VPS72: variants seen among roughly 807,000 people sequenced by gnomAD.
VPS72 encodes the protein vacuolar protein sorting 72 homolog.
Under a neutral mutation model 38.9 loss-of-function variants are expected in VPS72, and 27 were observed. The observed-to-expected ratio is 0.69, with a 90% CI of 0.51 to 0.96. VPS72 has a LOEUF of 0.96. Ranked by LOEUF, VPS72 falls within the 40% of genes least tolerant of loss-of-function variation. The probability of loss-of-function intolerance (pLI) is 0.00; values close to 1 mark genes in which losing one functional copy is unlikely to be tolerated. For missense variants in VPS72, 360 were observed against 479.5 expected (o/e 0.75, Z 2.33); for synonymous variants, 173 against 186.3 (o/e 0.93, Z 0.58).
chr1:151,185,677 G>C (rs1684333277), intron 2 of VPS72, 57 bp from the exon 3 acceptor site: 1 of 1,608,636 alleles, frequency 6.2e-7, no homozygotes, highest in African/African-American at 1.3e-5. Context: ...AGAAATATGA[G>C]GATCTCAATG....
In VPS72 at chr1:151,178,029, G is replaced by T; in HGVS notation, c.679C>A (p.Pro227Thr). ...VTVPLVGEPGPKEENVDIEGL... is the reference protein window; with the variant it reads ...VTVPLVGEPGTKEENVDIEGL... The stretch of plus-strand genomic sequence containing the variant: ...TCTATGTCAACGTTCTCTTCCTTGG[G>T]GCCTGGCTCCCCAACAAGTGGCACT... Residue 227 changes from proline to threonine, a missense_variant, in exon 5 of 6, where the codon CCC becomes ACC. Physicochemically the swap from Pro to Thr is conservative, Grantham distance 38. This residue lies in a region of VPS72 where 294 missense variants were observed against 356.3 expected (regional missense o/e 0.83). Coordinates refer to ENST00000368892, the MANE Select transcript of VPS72 (RefSeq NM_005997.3). 6 of 1,613,996 alleles carry T rather than the reference G, an allele frequency of 3.7e-6. No individual in the cohort carries two copies. The highest frequency in any genetic ancestry group is 4.2e-6 in the Non-Finnish European group (5 of 1,179,994).
Position 151,176,307 on chromosome 1 carries a change from T to C in VPS72, c.*337A>G, listed in dbSNP as rs1389860756. 3.4e-6 allele frequency: 1 copy of C among 293,290 alleles called. No homozygotes were observed. The highest frequency in any genetic ancestry group is 4.9e-5 in the Admixed American group (1 of 20,400). 18.2% of individuals were successfully genotyped at this position (293,290 alleles called of 1,614,324 possible). A position where few individuals can be genotyped will look rare whatever the true frequency, so the allele number is the denominator to read the frequency against. ...GGAAGGTCAATACAAGGATGTGTTT[T>C]GGTGTGCAATTTTCAGATGTTTATA... On this transcript the variant is annotated 3_prime_UTR_variant, in exon 6 of 6. Coordinates refer to ENST00000368892, the MANE Select transcript of VPS72 (RefSeq NM_005997.3).
At chr1:151,189,664 C>T (rs998218418) in intron 1 of VPS72, among the ~76,000 whole-genome samples, 1 of 152,152 alleles carries the variant, frequency 6.6e-6, no homozygotes, top group African/African-American at 2.4e-5. Context: ...CAACTGTCTA[C>T]TACTATGTGT....
chr1:151,190,157 C>T lies in VPS72; in HGVS notation c.-36G>A, dbSNP rs753144050. On this transcript the variant is annotated 5_prime_UTR_variant, in exon 1 of 6. Transcript: ENST00000368892. Reference sequence around the variant, plus strand: ...GAGACTGCGCCGCCACCTGCAGCCCCTCACCAGCTCGGTTTTGGGAGCTCG... The same window carrying T: ...GAGACTGCGCCGCCACCTGCAGCCCTTCACCAGCTCGGTTTTGGGAGCTCG... The T allele has an allele frequency of 1.7e-5, 28 of 1,607,684 alleles. 1 individual carries two copies. Among genetic ancestry groups the T allele is most frequent in the Middle Eastern group, 1.7e-4 (1 of 6,058 alleles).
intron 4 of VPS72, among the ~76,000 whole-genome samples, chr1:151,180,344 A>G (rs188102519): frequency 3.9e-5 from 6 of 152,092 alleles, no homozygotes; most frequent in African/African-American, 1.4e-4. Flanking sequence ...GTACTCTGGA[A>G]ACCCTTCCAA....
At chr1:151,182,850 C>T (rs1478107186) in intron 4 of VPS72, among the ~76,000 whole-genome samples, 1 of 152,142 alleles carries the variant, frequency 6.6e-6, no homozygotes, top group Non-Finnish European at 1.5e-5. Context: ...GTCTGCAGGA[C>T]TCTATCAGGC....
At position 151,176,560 on chromosome 1, in the gene VPS72, A is replaced by G; in HGVS notation, c.*84T>C. On this transcript the variant is annotated 3_prime_UTR_variant, in exon 6 of 6. Coordinates refer to ENST00000368892, the MANE Select transcript of VPS72 (RefSeq NM_005997.3). ...AGATTAGGCAAAGATCAGAGATGAC[A>G]AAGGGGAGAAGCAGGGAGAAGAAAC... 6.5e-7 allele frequency: 1 copy of G among 1,536,574 alleles called. No individual in the cohort carries two copies. The highest frequency in any genetic ancestry group is 8.7e-7 in the Non-Finnish European group (1 of 1,143,118).
chr1:151,188,807 C>A (rs922940223), intron 1 of VPS72, among the ~76,000 whole-genome samples: 2 of 152,144 alleles, frequency 1.3e-5, no homozygotes, highest in African/African-American at 4.8e-5. Flanking sequence ...AACACTCTTA[C>A]ACCTTGTTTT....
At chr1:151,189,722 A>G (rs1051788744) in intron 1 of VPS72, among the ~76,000 whole-genome samples, 31 of 152,024 alleles carry the variant, frequency 2.0e-4, no homozygotes, top group African/African-American at 7.5e-4. Flanking sequence ...AGATGCAACC[A>G]CGCAAGTATA....
chr1:151,190,159 C>T lies in VPS72; in HGVS notation c.-38G>A, dbSNP rs368810993. ...GACTGCGCCGCCACCTGCAGCCCCT[C>T]ACCAGCTCGGTTTTGGGAGCTCGAC... On this transcript the variant is annotated 5_prime_UTR_variant, in exon 1 of 6. It removes the in-frame stop codon of an upstream open reading frame in the 5' UTR. Transcript: ENST00000368892. 7.5e-6 allele frequency: 12 copies of T among 1,607,712 alleles called. No individual in the cohort carries two copies. The African/African-American group carries it at 1.5e-4, about 20-fold the overall frequency.
At chr1:151,184,166 T>C in intron 4 of VPS72, 151 bp downstream of exon 4, 2 of 1,045,916 alleles carry the variant, frequency 1.9e-6, no homozygotes, top group South Asian at 1.5e-5. Flanking sequence ...GCCTAGACTC[T>C]TGCACCTAAT....
At chr1:151,184,258 A>G in intron 4 of VPS72, 59 bp downstream of exon 4, 1 of 1,578,796 alleles carries the variant, frequency 6.3e-7, no homozygotes, top group East Asian at 2.3e-5. Flanking sequence ...TCCAGGTCTC[A>G]TGGTTTTTCT....
Position 151,188,619 on chromosome 1 carries a change from T to C in VPS72, c.117+1386A>G, listed in dbSNP as rs190345013. ...AGAATGAAAGTAGACTTGCAGGTCC[T>C]AGACCAGGATCTCAATGTCTTTACA... On this transcript the variant is annotated intron_variant, in intron 1 of 5. Transcript: ENST00000368892. Among the ~76,000 whole-genome samples, 256 of 152,340 alleles carry C rather than the reference T, an allele frequency of 1.7e-3. 1 individual carries two copies. Among genetic ancestry groups the C allele is most frequent in the African/African-American group, 6.0e-3 (249 of 41,588 alleles).
At chr1:151,184,742 C>A (rs1684311773) in intron 3 of VPS72, among the ~76,000 whole-genome samples, 1 of 151,936 alleles carries the variant, frequency 6.6e-6, no homozygotes, top group African/African-American at 2.4e-5. Flanking sequence ...CATGCCACCA[C>A]ATCCAGCTAA....
intron 4 of VPS72, among the ~76,000 whole-genome samples, chr1:151,178,709 C>T (rs587609942): frequency 7.5e-4 from 114 of 152,206 alleles, no homozygotes; most frequent in Non-Finnish European, 1.4e-3. Context: ...AAGAAAATCT[C>T]GCAACCCTGG....
intron 4 of VPS72, among the ~76,000 whole-genome samples, chr1:151,178,908 TA>T (rs1374517715): frequency 4.6e-5 from 7 of 152,210 alleles, no homozygotes; most frequent in African/African-American, 1.4e-4. Context: ...GCAGTGACTA[TA>T]ACTCATATTG....
At chr1:151,179,368 G>A (rs1294187609) in intron 4 of VPS72, among the ~76,000 whole-genome samples, 1 of 152,142 alleles carries the variant, frequency 6.6e-6, no homozygotes, top group Non-Finnish European at 1.5e-5. Flanking sequence ...GGGAGGCCAA[G>A]GTGTGCGGAT....
rs761974652 is a variant in VPS72, at chr1:151,176,665, G to A, written c.1074C>T (p.Arg358=). 6.2e-7 allele frequency: 1 copy of A among 1,613,742 alleles called. No homozygotes were observed. Among genetic ancestry groups the A allele is most frequent in the African/African-American group, 1.3e-5 (1 of 75,018 alleles). Residue 358 remains arginine, a synonymous_variant, in exon 6 of 6, where the codon CGC becomes CGT. Coordinates refer to ENST00000368892, the MANE Select transcript of VPS72 (RefSeq NM_005997.3). ...CTCTTCATTTAATGACAATTTTCTG[G>A]CGCAAGGCTCGGGGCCCAGAGCCAG... ...PLPGSGPRAL[R]QKIVIK is the part of the protein sequence containing the mutation.
At position 151,186,946 on chromosome 1, in the gene VPS72, T is replaced by C. The variant is rs587753672; in HGVS notation, c.118-996A>G. On this transcript the variant is annotated intron_variant, in intron 1 of 5. Coordinates refer to ENST00000368892, the MANE Select transcript of VPS72 (RefSeq NM_005997.3). ...CTCCATCTCCTTATTTTCCCTACCA[T>C]TGATAATCATTGTTGAGGTAAACTA... is the stretch of plus-strand genomic sequence containing the variant. 1.8e-4 allele frequency among the ~76,000 whole-genome samples: 27 copies of C among 152,344 alleles called. 1 individual carries two copies. Among genetic ancestry groups the C allele is most frequent in the Admixed American group, 3.9e-4 (6 of 15,302 alleles).
Sources: allele counts gnomAD v4.1 joint callset (sites outside exome capture counted in the v4.1 genomes callset), GRCh38; gene constraint gnomAD v4.1.1; regional missense constraint gnomAD v4.1.1; transcripts MANE v1.5; gene names NCBI Gene and HGNC (gene_info 2026-07-23, HGNC 2026-07-21).